CAPN7: variants seen among roughly 807,000 people sequenced by gnomAD.
CAPN7 encodes calpain 7, also known as calpain-7.
Under a neutral mutation model 115.2 loss-of-function variants are expected in CAPN7, and 72 were observed. The ratio of observed to expected loss-of-function variants is 0.63; its 90% CI spans 0.52 to 0.76. CAPN7 has a LOEUF of 0.76. Among genes scored for constraint, CAPN7 ranks in the 30% least tolerant of loss-of-function variants. CAPN7 has a pLI of 0.00. For missense variants in CAPN7, 905 were observed against 971.5 expected (o/e 0.93, Z 0.91); for synonymous variants, 344 against 322.3 (o/e 1.07, Z -0.72).
At position 15,220,892 on chromosome 3, in the gene CAPN7, C is replaced by G. The variant is rs1318915619; in HGVS notation, c.549C>G (p.Pro183=). 3 of 1,614,066 alleles carry G rather than the reference C, an allele frequency of 1.9e-6. No individual in the cohort carries two copies. Among genetic ancestry groups the G allele is most frequent in the Non-Finnish European group, 2.5e-6 (3 of 1,180,034 alleles). The change falls in exon 5 of 21, where the codon CCC becomes CCG. Residue 183 remains proline, a synonymous_variant. Coordinates refer to ENST00000253693, the MANE Select transcript of CAPN7 (RefSeq NM_014296.3). The part of the protein sequence containing the change: ...VRAHFPLGAN[P]FLERPQSFIS... ...CACATTTTCCACTGGGCGCTAATCCCTTCCTTGAAAGACCTCAGTCATTTA... is the reference window on the plus strand; with the variant it reads ...CACATTTTCCACTGGGCGCTAATCCGTTCCTTGAAAGACCTCAGTCATTTA...
At chr3:15,249,524 TTTATG>T (rs950033445) in intron 19 of CAPN7, among the ~76,000 whole-genome samples, 21 of 152,346 alleles carry the variant, frequency 1.4e-4, no homozygotes, top group African/African-American at 5.0e-4. Context: ...TTCTGATTAT[TTTATG>T]GTTCAATTTT....
intron 19 of CAPN7, among the ~76,000 whole-genome samples, chr3:15,249,821 A>T (rs1414317872): frequency 6.7e-6 from 1 of 150,052 alleles, no homozygotes; most frequent in Non-Finnish European, 1.5e-5. Context: ...GCTGGAGTGC[A>T]GTGTGTGATC....
At chr3:15,211,152 C>T (rs2124866179) in intron 1 of CAPN7, among the ~76,000 whole-genome samples, 1 of 152,274 alleles carries the variant, frequency 6.6e-6, no homozygotes, top group South Asian at 2.1e-4. Flanking sequence ...TCAGTATTTT[C>T]TGTGGAGAAA....
rs1470326354 is a variant in CAPN7 at position 15,251,296 on chromosome 3, C to G, written c.*36C>G. The G allele has an allele frequency of 3.3e-6, 5 of 1,523,134 alleles. No individual in the cohort carries two copies. The highest frequency in any genetic ancestry group is 4.4e-6 in the Non-Finnish European group (5 of 1,129,786). The allele number at this position is 1,523,134 out of a possible 1,614,324, so 94.4% of individuals were successfully genotyped here. ...TCAAGTTACTGGCTTTTATACTTACCAAACATCAGTTCTTCAAATAAGGAC... is the reference window on the plus strand; with the variant it reads ...TCAAGTTACTGGCTTTTATACTTACGAAACATCAGTTCTTCAAATAAGGAC... On this transcript the variant is annotated 3_prime_UTR_variant, in exon 21 of 21. Transcript: ENST00000253693.
chr3:15,211,422 C>G (rs1013010641), intron 1 of CAPN7, among the ~76,000 whole-genome samples: 1 of 152,024 alleles, frequency 6.6e-6, no homozygotes, highest in South Asian at 2.1e-4. Flanking sequence ...GTTCCTTATG[C>G]GTGAATTCAT....
Position 15,242,081 on chromosome 3 carries a change from GGA to G in CAPN7, c.1789-92_1789-91del, listed in dbSNP as rs761342773. On this transcript the variant is annotated intron_variant, in intron 15 of 20. Coordinates refer to ENST00000253693, the MANE Select transcript of CAPN7 (RefSeq NM_014296.3). The stretch of plus-strand genomic sequence containing the variant: ...GCTCTTAAAATTAGAGATTTTTTGT[GGA>G]GAGATTTAGAGCATTTTTTTGGAGA... 1.6e-4 allele frequency: 117 copies of G among 749,190 alleles called. No homozygotes were observed. The South Asian group carries it at 1.8e-3, about 11-fold the overall frequency. The allele number at this position is 749,190 out of a possible 1,614,324, so 46.4% of individuals were successfully genotyped here. A position where few individuals can be genotyped will look rare whatever the true frequency, so the allele number is the denominator to read the frequency against.
At chr3:15,228,910 TATATTGCGGTA>T (rs1694498215) in intron 7 of CAPN7, 53 bp from the exon 8 acceptor site, 1 of 1,194,614 alleles carries the variant, frequency 8.4e-7, no homozygotes, top group Non-Finnish European at 1.2e-6. Context: ...GCAATGTACG[TATATTGCGGTA>T]ATGTTGAAAT....
At chr3:15,217,284 T>G in intron 2 of CAPN7, 141 bp from the exon 3 acceptor site, 1 of 717,180 alleles carries the variant, frequency 1.4e-6, no homozygotes, top group Admixed American at 3.7e-5. Flanking sequence ...TGTCCTTTTT[T>G]AAGGATTTTT....
Position 15,235,063 on chromosome 3 carries a change from G to T in CAPN7, c.1325G>T (p.Gly442Val). ...KGDVLITASTGMMTEAEGEKW... is the reference protein window; with the variant it reads ...KGDVLITASTVMMTEAEGEKW... ...GATGTCCTCATCACTGCGTCAACTGGAATGATGACAGAAGCTGAAGGAGAG... is the reference window on the plus strand; with the variant it reads ...GATGTCCTCATCACTGCGTCAACTGTAATGATGACAGAAGCTGAAGGAGAG... The change falls in exon 12 of 21, where the codon GGA becomes GTA. Residue 442 changes from glycine (G) to valine (V), a missense_variant. Physicochemically the swap from Gly to Val is moderately radical, Grantham distance 109. Around this residue, in one of 3 missense-constraint regions of CAPN7, gnomAD observed 620 missense variants for 703.4 expected, o/e 0.88. Transcript: ENST00000253693. 6.2e-7 allele frequency: 1 copy of T among 1,612,912 alleles called. No homozygotes were observed. Among genetic ancestry groups the T allele is most frequent in the Non-Finnish European group, 8.5e-7 (1 of 1,178,976 alleles).
chr3:15,227,551 A>G (rs1291081963), intron 6 of CAPN7, among the ~76,000 whole-genome samples: 2 of 152,242 alleles, frequency 1.3e-5, no homozygotes, highest in East Asian at 3.9e-4. Context: ...TTTATTGCTG[A>G]ATTTCTTGAA....
chr3:15,206,630 G>GGTGTTTTATTA (rs1559379719), intron 1 of CAPN7, 33 bp downstream of exon 1: 2 of 1,492,806 alleles, frequency 1.3e-6, no homozygotes, highest in South Asian at 2.5e-5. Context: ...GGTCGGAGTT[G>GGTGTTTTATTA]CTCAGTCGGA....
chr3:15,208,604 A>G (rs1389609553), intron 1 of CAPN7, among the ~76,000 whole-genome samples: 1 of 152,052 alleles, frequency 6.6e-6, no homozygotes, highest in Non-Finnish European at 1.5e-5. Context: ...CCAGTGTACT[A>G]TAATTAATTT....
At position 15,217,570 on chromosome 3, in the gene CAPN7, C is replaced by A; in HGVS notation, c.357C>A (p.Leu119=). 6.2e-7 allele frequency: 1 copy of A among 1,612,152 alleles called. No individual in the cohort carries two copies. The highest frequency in any genetic ancestry group is 8.5e-7 in the Non-Finnish European group (1 of 1,179,208). Residue 119 remains leucine (L), a synonymous_variant, in exon 3 of 21, where the codon CTC becomes CTA. Transcript: ENST00000253693. ...AATTGTACACAGAAGCTGTGGATCT[C>A]TGTCTGAAAACAGTGTGTATAGCTA... is the stretch of plus-strand genomic sequence containing the variant. ...AIELYTEAVD[L]CLKTSYETAD...
intron 7 of CAPN7, 93 bp downstream of exon 7, chr3:15,228,058 ATATT>A (rs1326564542): frequency 4.4e-6 from 4 of 916,564 alleles, no homozygotes; most frequent in African/African-American, 1.7e-5. Context: ...TTTTTATTAT[ATATT>A]CAGGTACAGA....
intron 7 of CAPN7, among the ~76,000 whole-genome samples, chr3:15,228,758 G>A (rs1353285557): frequency 1.3e-5 from 2 of 152,088 alleles, no homozygotes; most frequent in Non-Finnish European, 2.9e-5. Context: ...ATTGGGTACT[G>A]GGCTAATAGC....
intron 18 of CAPN7, 33 bp downstream of exon 18, chr3:15,246,827 T>G (rs1695691987): frequency 2.1e-6 from 3 of 1,457,920 alleles, no homozygotes; most frequent in Admixed American, 3.7e-5. Context: ...AATCTCAGCA[T>G]TCTTTTAGAA....
intron 1 of CAPN7, among the ~76,000 whole-genome samples, chr3:15,207,417 G>C (rs1488649679): frequency 1.3e-5 from 2 of 152,190 alleles, no homozygotes; most frequent in Admixed American, 6.5e-5. Flanking sequence ...GACATTCACT[G>C]CTCTACTCTT....
At chr3:15,210,596 C>CTTTTTTTTTTTTTTTTTTTT (rs371169868) in intron 1 of CAPN7, among the ~76,000 whole-genome samples, 7 of 104,428 alleles carry the variant, frequency 6.7e-5, no homozygotes, top group African/African-American at 3.0e-4. Flanking sequence ...TGCTTCCTTC[C>CTTTTTTTTTTTTTTTTTTTT]TTTTTTTTTT....
At chr3:15,240,027 T>C (rs745435869) in intron 12 of CAPN7, among the ~76,000 whole-genome samples, 3 of 152,048 alleles carry the variant, frequency 2.0e-5, no homozygotes, top group Non-Finnish European at 4.4e-5. Flanking sequence ...TACTGGAAAA[T>C]AAAGTGGAGC....
Sources: allele counts gnomAD v4.1 joint callset (sites outside exome capture counted in the v4.1 genomes callset), GRCh38; gene constraint gnomAD v4.1.1; regional missense constraint gnomAD v4.1.1; transcripts MANE v1.5; gene names NCBI Gene and HGNC (gene_info 2026-07-23, HGNC 2026-07-21).